Variants in RAP1A observed in about 807,000 individuals in gnomAD.
The protein encoded by RAP1A is ras-related protein Rap-1A.
In RAP1A, 6 loss-of-function variants were observed where a neutral mutation model predicts 26.4. The observed-to-expected ratio is 0.23, with a 90% CI of 0.12 to 0.45. The LOEUF (loss-of-function observed/expected upper bound fraction) is 0.45, where lower values mean the gene tolerates loss of function less well. Among genes scored for constraint, RAP1A ranks in the 20% least tolerant of loss-of-function variants. The pLI is 0.99. For synonymous variants in RAP1A, 73 were observed against 79.4 expected (o/e 0.92, Z 0.43); for missense variants, 121 against 217.2 (o/e 0.56, Z 2.78).
chr1:111,688,819 TTTG>T (rs1661578213), intron 1 of RAP1A, among the ~76,000 whole-genome samples: 1 of 73,428 alleles, frequency 1.4e-5, no homozygotes, highest in African/African-American at 5.3e-5. Flanking sequence ...TTTTTTTTTT[TTTG>T]TTTTTTTTTT....
At chr1:111,695,303 C>A in intron 2 of RAP1A, 38 bp from the exon 3 acceptor site, 1 of 1,464,722 alleles carries the variant, frequency 6.8e-7, no homozygotes, top group Admixed American at 2.3e-5. Context: ...AGGAGTTTTC[C>A]TTTAATTTTT....
intron 3 of RAP1A, 98 bp downstream of exon 3, chr1:111,695,507 T>C (rs952505682): frequency 3.9e-5 from 31 of 794,264 alleles, no homozygotes; most frequent in Non-Finnish European, 3.8e-5. Context: ...TTTTGAGAAA[T>C]AATACAAATA....
chr1:111,606,578 T>C (rs1259694932), intron 1 of RAP1A, among the ~76,000 whole-genome samples: 2 of 152,196 alleles, frequency 1.3e-5, no homozygotes, highest in Non-Finnish European at 2.9e-5. Context: ...GCCAAGAGTG[T>C]GCCCAGCCGT....
intron 1 of RAP1A, among the ~76,000 whole-genome samples, chr1:111,674,169 C>A (rs1044387056): frequency 9.2e-5 from 14 of 152,108 alleles, no homozygotes; most frequent in African/African-American, 3.4e-4. Context: ...GATGAATTCA[C>A]ATCTTGTTAA....
intron 1 of RAP1A, among the ~76,000 whole-genome samples, chr1:111,660,686 C>T (rs1290549178): frequency 6.6e-6 from 1 of 152,222 alleles, no homozygotes; most frequent in Non-Finnish European, 1.5e-5. Context: ...TTGACATCCT[C>T]TGCTCAAAAC....
At chr1:111,688,795 GGTTTTT>G (rs1339746180) in intron 1 of RAP1A, among the ~76,000 whole-genome samples, 3 of 148,496 alleles carry the variant, frequency 2.0e-5, no homozygotes, top group Non-Finnish European at 4.5e-5. Flanking sequence ...TGTGTAGATG[GGTTTTT>G]GTTTTTGTTT....
chr1:111,594,479 G>A (rs1042121257), intron 1 of RAP1A, among the ~76,000 whole-genome samples: 4 of 51,582 alleles, frequency 7.8e-5, no homozygotes, highest in South Asian at 8.2e-4. Flanking sequence ...GACAAAAAAC[G>A]GAAGGAAGGA....
At chr1:111,706,485 C>T (rs1372919770) in intron 6 of RAP1A, among the ~76,000 whole-genome samples, 1 of 151,914 alleles carries the variant, frequency 6.6e-6, no homozygotes, top group African/African-American at 2.4e-5. Flanking sequence ...TTTTCAAAAA[C>T]TCTTATTCAC....
intron 1 of RAP1A, among the ~76,000 whole-genome samples, chr1:111,582,566 C>T (rs1298949006): frequency 6.6e-6 from 1 of 152,092 alleles, no homozygotes; most frequent in Non-Finnish European, 1.5e-5. Flanking sequence ...ATTTTACAAG[C>T]AAAGTGAGTT....
intron 1 of RAP1A, among the ~76,000 whole-genome samples, chr1:111,631,904 TAAAA>T (rs55637562): frequency 6.7e-6 from 1 of 148,528 alleles, no homozygotes; most frequent in South Asian, 2.1e-4. Context: ...TTTTTGGCTT[TAAAA>T]AAAAAAAGTC....
intron 1 of RAP1A, among the ~76,000 whole-genome samples, chr1:111,664,948 G>A (rs1415519396): frequency 6.6e-6 from 1 of 152,168 alleles, no homozygotes; most frequent in East Asian, 1.9e-4. Flanking sequence ...TCAAAAGAGA[G>A]CAACATTTAA....
At chr1:111,666,167 A>G (rs1358339581) in intron 1 of RAP1A, among the ~76,000 whole-genome samples, 1 of 152,208 alleles carries the variant, frequency 6.6e-6, no homozygotes, top group South Asian at 2.1e-4. Flanking sequence ...TCAAAACAGT[A>G]CAAGTGTTAT....
intron 1 of RAP1A, among the ~76,000 whole-genome samples, chr1:111,555,044 C>T (rs2800901): frequency 0.24 from 36,499 of 151,362 alleles, 8,288 homozygotes; most frequent in African/African-American, 0.57. Context: ...TAATTGAAAA[C>T]AGGAGAAAAG....
intron 6 of RAP1A, chr1:111,706,685 T>C (rs41282532): frequency 1.0e-6 from 1 of 982,550 alleles, no homozygotes; most frequent in Non-Finnish European, 1.2e-6. Context: ...TTCAGAGAGA[T>C]GAGGAAGAAC....
chr1:111,706,822 G>A (rs1472806624), intron 6 of RAP1A: 1 of 823,870 alleles, frequency 1.2e-6, no homozygotes, highest in East Asian at 1.2e-4. Context: ...AATACTACAA[G>A]CATTAGTTAC....
chr1:111,684,521 TC>T (rs1477697360), intron 1 of RAP1A, among the ~76,000 whole-genome samples: 1 of 152,124 alleles, frequency 6.6e-6, no homozygotes, highest in Non-Finnish European at 1.5e-5. Flanking sequence ...ATGAGTGAAC[TC>T]CCATTCACAA....
At chr1:111,688,808 GTTTTTTTT>G (rs753016302) in intron 1 of RAP1A, among the ~76,000 whole-genome samples, 9 of 124,186 alleles carry the variant, frequency 7.2e-5, no homozygotes, top group South Asian at 2.7e-4. Context: ...TTTTGTTTTT[GTTTTTTTT>G]TTTTTGTTTT....
chr1:111,567,577 G>C (rs1305505264), intron 1 of RAP1A, among the ~76,000 whole-genome samples: 1 of 152,176 alleles, frequency 6.6e-6, no homozygotes, highest in Non-Finnish European at 1.5e-5. Context: ...TTGGAAATAA[G>C]GTCTTTATGG....
intron 1 of RAP1A, among the ~76,000 whole-genome samples, chr1:111,574,379 G>A (rs1658107509): frequency 6.6e-6 from 1 of 152,194 alleles, no homozygotes; most frequent in Non-Finnish European, 1.5e-5. Context: ...ATAGCTTGAA[G>A]TTGGGAAGCA....
Sources: allele counts gnomAD v4.1 joint callset (sites outside exome capture counted in the v4.1 genomes callset), GRCh38; gene constraint gnomAD v4.1.1; transcripts MANE v1.5; gene names NCBI Gene and HGNC (gene_info 2026-07-23, HGNC 2026-07-21).